The following TBP variants were observed in gnomAD, a reference collection of about 807,000 sequenced individuals.
TBP encodes TATA-box-binding protein.
TBP carries 12 observed loss-of-function variants against 46.2 expected under a neutral mutation model. The observed-to-expected ratio is 0.26, with a 90% CI of 0.17 to 0.42. The LOEUF (loss-of-function observed/expected upper bound fraction) is 0.42, where lower values mean the gene tolerates loss of function less well. TBP is among the 10% of genes least tolerant of loss of function. The pLI is 1.00. For missense variants in TBP, 229 were observed against 403.1 expected (o/e 0.57, Z 3.70); for synonymous variants, 157 against 148.3 (o/e 1.06, Z -0.42).
rs36143182 is a variant in TBP at position 170,568,750 on chromosome 6, A to ACCTGCCTG, written c.678-854_678-847dup. ...TTACAGGTGTGAGCCACCGTGCCCG[A>ACCTGCCTG]CCTGCCTGCCTGCCTTTTTCTCTTT... On this transcript the variant is annotated intron_variant, in intron 5 of 7. Coordinates refer to ENST00000392092, the MANE Select transcript of TBP (RefSeq NM_003194.5). Among the ~76,000 whole-genome samples, 324 of 138,028 alleles carry ACCTGCCTG rather than the reference A, an allele frequency of 2.3e-3. 10 individuals carry two copies. The East Asian group carries it at 0.048, about 20-fold the overall frequency. The allele number at this position is 138,028 out of a possible 152,430, so 90.6% of individuals were successfully genotyped here.
chr6:170,559,254 T>C (rs982959681), intron 2 of TBP, among the ~76,000 whole-genome samples: 4 of 152,170 alleles, frequency 2.6e-5, no homozygotes, highest in Non-Finnish European at 5.9e-5. Context: ...ACATCTCTCA[T>C]TTGAAACCAA....
chr6:170,572,135 T>G (rs1779376266), intron 7 of TBP, 51 bp from the exon 8 acceptor site: 2 of 1,396,318 alleles, frequency 1.4e-6, no homozygotes, highest in African/African-American at 2.8e-5. Flanking sequence ...TCTTAATATG[T>G]TAAGAAGTGC....
At chr6:170,559,465 A>C (rs1054276153) in intron 2 of TBP, among the ~76,000 whole-genome samples, 1 of 152,206 alleles carries the variant, frequency 6.6e-6, no homozygotes, top group Non-Finnish European at 1.5e-5. Context: ...AGAAAGTTTG[A>C]ATGGTCTGGA....
chr6:170,566,814 A>G lies in TBP; in HGVS notation c.586-104A>G, dbSNP rs189052701. The G allele has an allele frequency of 2.2e-5, 18 of 827,136 alleles. No individual in the cohort carries two copies. In the East Asian group the frequency reaches 2.9e-4, roughly 13 times the overall value. 51.2% of individuals were successfully genotyped at this position (827,136 alleles called of 1,614,324 possible). A position where few individuals can be genotyped will look rare whatever the true frequency, so the allele number is the denominator to read the frequency against. On this transcript the variant is annotated intron_variant, in intron 4 of 7. Transcript: ENST00000392092. ...AAATATTTTGATAACTAGATGTACTATGTCCTTCCTACCAGTTGTGATTTT... is the reference window on the plus strand; with the variant it reads ...AAATATTTTGATAACTAGATGTACTGTGTCCTTCCTACCAGTTGTGATTTT...
In TBP at chr6:170,566,783, C is replaced by G. The variant is rs1375236133; in HGVS notation, c.586-135C>G. ...AATCCTTTACAGATATACAGAAATA[C>G]AGAACAAATATTTTGATAACTAGAT... On this transcript the variant is annotated intron_variant, in intron 4 of 7. Transcript: ENST00000392092. 12 of 605,232 alleles carry G rather than the reference C, an allele frequency of 2.0e-5. No homozygotes were observed. The Admixed American group carries it at 3.1e-4, about 16-fold the overall frequency. 37.5% of individuals were successfully genotyped at this position (605,232 alleles called of 1,614,324 possible).
chr6:170,567,935 T>C (rs1779295227), intron 5 of TBP, among the ~76,000 whole-genome samples: 1 of 152,180 alleles, frequency 6.6e-6, no homozygotes, highest in Non-Finnish European at 1.5e-5. Flanking sequence ...ACTGAACAAA[T>C]AAACTAAAAC....
intron 1 of TBP, among the ~76,000 whole-genome samples, chr6:170,556,259 T>C (rs1250984544): frequency 2.6e-5 from 4 of 152,186 alleles, no homozygotes; most frequent in Admixed American, 2.6e-4. Context: ...AGTAAAGCGA[T>C]GATGATTTAA....
chr6:170,567,078 A>G (rs1779267372), intron 5 of TBP, 69 bp downstream of exon 5: 2 of 1,256,474 alleles, frequency 1.6e-6, no homozygotes, highest in Non-Finnish European at 2.2e-6. Context: ...CATTGTTTTT[A>G]GGTTATTAGG....
At chr6:170,566,849 G>A in intron 4 of TBP, 69 bp from the exon 5 acceptor site, 6 of 1,378,474 alleles carry the variant, frequency 4.4e-6, no homozygotes, top group Non-Finnish European at 5.1e-6. Flanking sequence ...TTTTGTCAAT[G>A]GGTGGTTCGC....
rs762332305 is a variant in TBP, at chr6:170,561,771, T to C, written c.55-20T>C. 1 of 1,600,708 alleles carries C rather than the reference T, an allele frequency of 6.2e-7. No individual in the cohort carries two copies. Among genetic ancestry groups the C allele is most frequent in the Non-Finnish European group, 8.5e-7 (1 of 1,170,112 alleles). On this transcript the variant is annotated intron_variant, in intron 2 of 7. Coordinates refer to ENST00000392092, the MANE Select transcript of TBP (RefSeq NM_003194.5). ...TTAGCAGCAGCCAGCCTAACCTGTTTTTCTCCTTGCTTTCCACAGGGTGCC... is the reference window on the plus strand; with the variant it reads ...TTAGCAGCAGCCAGCCTAACCTGTTCTTCTCCTTGCTTTCCACAGGGTGCC...
chr6:170,564,965 T>C (rs1779217149), intron 4 of TBP, among the ~76,000 whole-genome samples: 1 of 152,164 alleles, frequency 6.6e-6, no homozygotes, highest in African/African-American at 2.4e-5. Flanking sequence ...AAGACCATCC[T>C]GGCCAACATA....
At position 170,562,147 on chromosome 6, in the gene TBP, A is replaced by T; in HGVS notation, c.411A>T (p.Pro137=). 6.2e-7 allele frequency: 1 copy of T among 1,613,714 alleles called. No individual in the cohort carries two copies. Among genetic ancestry groups the T allele is most frequent in the Non-Finnish European group, 8.5e-7 (1 of 1,179,902 alleles). Residue 137 remains proline, a synonymous_variant, in exon 3 of 8, where the codon CCA becomes CCT. Transcript: ENST00000392092. ...LTTAPLPGTT[P]LYPSPMTPMT... ...CTGCACCCTTGCCGGGCACCACTCC[A>T]CTGTATCCCTCCCCCATGACTCCCA...
At chr6:170,556,376 T>A (rs1384459945) in intron 1 of TBP, among the ~76,000 whole-genome samples, 3 of 37,510 alleles carry the variant, frequency 8.0e-5, no homozygotes, top group Non-Finnish European at 1.7e-4. Flanking sequence ...TTTTTTTTTT[T>A]AACAGTTTCA....
At chr6:170,557,536 A>G (rs952898954) in intron 2 of TBP, among the ~76,000 whole-genome samples, 2 of 152,060 alleles carry the variant, frequency 1.3e-5, no homozygotes, top group Admixed American at 6.5e-5. Context: ...GGAGTTCGAG[A>G]CCAGCCTGGC....
At chr6:170,569,481 TC>T in intron 5 of TBP, 130 bp from the exon 6 acceptor site, 1 of 658,038 alleles carries the variant, frequency 1.5e-6, no homozygotes, top group African/African-American at 1.8e-5. Context: ...CAGTCTTTTC[TC>T]CTATTGCAAG....
Position 170,561,958 on chromosome 6 carries a change from A to AGCAGCAGCAGCAG in TBP, c.222_223insGCAGCAGCAGCAG (p.Gln75AlafsTer107), listed in dbSNP as rs1779150506. ...AGCAGCAGCAGCAGCAGCAACAGCA[A>AGCAGCAGCAGCAG]CAGCAGCAGCAGCAGCAGCAGCAGC... On this transcript the variant is annotated frameshift_variant, in exon 3 of 8. Transcript: ENST00000392092. LOFTEE classifies it high-confidence loss of function. The AGCAGCAGCAGCAG allele has an allele frequency of 1.7e-5, 24 of 1,405,174 alleles. No homozygotes were observed. The East Asian group carries it at 4.4e-4, about 26-fold the overall frequency. 87.0% of individuals were successfully genotyped at this position (1,405,174 alleles called of 1,614,324 possible).
chr6:170,569,033 G>A (rs1252769458), intron 5 of TBP, among the ~76,000 whole-genome samples: 10 of 151,548 alleles, frequency 6.6e-5, no homozygotes, highest in African/African-American at 1.9e-4. Flanking sequence ...AGCTGGTCTC[G>A]AACTCTTGAC....
At chr6:170,567,904 T>C (rs1352794384) in intron 5 of TBP, among the ~76,000 whole-genome samples, 1 of 152,224 alleles carries the variant, frequency 6.6e-6, no homozygotes, top group African/African-American at 2.4e-5. Flanking sequence ...GGAAAATTAG[T>C]GACATTAGCT....
rs1294022739 is a variant in TBP at position 170,562,066 on chromosome 6, A to C, written c.330A>C (p.Ala110=). ...AAVQQSTSQQ[A]TQGTSGQAPQ... ...TTCAGCAGTCAACGTCCCAGCAGGCAACACAGGGAACCTCAGGCCAGGCAC... is the reference window on the plus strand; with the variant it reads ...TTCAGCAGTCAACGTCCCAGCAGGCCACACAGGGAACCTCAGGCCAGGCAC... Residue 110 remains alanine, a synonymous_variant, in exon 3 of 8, where the codon GCA becomes GCC. Coordinates refer to ENST00000392092, the MANE Select transcript of TBP (RefSeq NM_003194.5). 3.1e-6 allele frequency: 5 copies of C among 1,613,936 alleles called. No individual in the cohort carries two copies. The highest frequency in any genetic ancestry group is 4.2e-6 in the Non-Finnish European group (5 of 1,180,018).
Sources: allele counts gnomAD v4.1 joint callset (sites outside exome capture counted in the v4.1 genomes callset), GRCh38; gene constraint gnomAD v4.1.1; transcripts MANE v1.5; gene names NCBI Gene and HGNC (gene_info 2026-07-23, HGNC 2026-07-21).